Variants in ADAMTS17 observed in about 807,000 individuals in gnomAD.
The protein encoded by ADAMTS17 is ADAM metallopeptidase with thrombospondin type 1 motif 17.
Under a neutral mutation model 141.5 loss-of-function variants are expected in ADAMTS17, and 113 were observed. The ratio of observed to expected loss-of-function variants is 0.80; its 90% CI spans 0.69 to 0.93. ADAMTS17 has a LOEUF of 0.93. ADAMTS17 is among the 40% of genes least tolerant of loss of function. The pLI is 0.00. For synonymous variants in ADAMTS17, 768 were observed against 630.6 expected (o/e 1.22, Z -3.27); for missense variants, 1,659 against 1,517.9 (o/e 1.09, Z -1.54).
intron 15 of ADAMTS17, among the ~76,000 whole-genome samples, chr15:100,091,295 T>C (rs896903477): frequency 3.9e-5 from 6 of 152,046 alleles, no homozygotes; most frequent in East Asian, 1.9e-4. Flanking sequence ...AATTATGAGG[T>C]AGGATTTACT....
intron 4 of ADAMTS17, among the ~76,000 whole-genome samples, chr15:100,273,277 T>A (rs528931824): frequency 2.0e-5 from 3 of 152,326 alleles, no homozygotes; most frequent in Admixed American, 6.5e-5. Flanking sequence ...AGGACTAGTG[T>A]TAGCTCTCCT....
At chr15:100,179,447 T>C (rs2040449485) in intron 8 of ADAMTS17, among the ~76,000 whole-genome samples, 1 of 152,232 alleles carries the variant, frequency 6.6e-6, no homozygotes, top group African/African-American at 2.4e-5. Context: ...ATTCCTCTGT[T>C]GATGAACACT....
At chr15:100,096,883 G>C (rs892331543) in intron 14 of ADAMTS17, among the ~76,000 whole-genome samples, 2 of 152,188 alleles carry the variant, frequency 1.3e-5, no homozygotes, top group African/African-American at 4.8e-5. Context: ...TAGGCTGTGG[G>C]GGTCACCTGC....
At chr15:100,273,412 T>A (rs991348239) in intron 4 of ADAMTS17, among the ~76,000 whole-genome samples, 2 of 152,204 alleles carry the variant, frequency 1.3e-5, no homozygotes, top group African/African-American at 4.8e-5. Flanking sequence ...TATTTCTTTG[T>A]GATTAAGTGT....
intron 15 of ADAMTS17, among the ~76,000 whole-genome samples, chr15:100,081,022 T>C (rs933696158): frequency 2.6e-5 from 4 of 152,212 alleles, no homozygotes; most frequent in Non-Finnish European, 4.4e-5. Context: ...ATACAAAGTA[T>C]TGATCCTGGA....
At chr15:99,977,580 A>T (rs1567633001) in intron 20 of ADAMTS17, among the ~76,000 whole-genome samples, 2 of 149,532 alleles carry the variant, frequency 1.3e-5, no homozygotes, top group African/African-American at 4.9e-5. Context: ...CATCTGGCTA[A>T]TTTTTTTGTA....
At chr15:100,102,103 G>A (rs1334210130) in intron 14 of ADAMTS17, among the ~76,000 whole-genome samples, 4 of 152,232 alleles carry the variant, frequency 2.6e-5, no homozygotes, top group Non-Finnish European at 5.9e-5. Context: ...TTCCCTGCAT[G>A]CTTGCTTGAT....
At chr15:100,039,551 T>C (rs1358729819) in intron 18 of ADAMTS17, among the ~76,000 whole-genome samples, 1 of 152,248 alleles carries the variant, frequency 6.6e-6, no homozygotes, top group African/African-American at 2.4e-5. Flanking sequence ...TATGAGTTTC[T>C]TAAACTTCTT....
At chr15:100,049,792 T>TATGG (rs1443568784) in intron 17 of ADAMTS17, among the ~76,000 whole-genome samples, 4 of 152,192 alleles carry the variant, frequency 2.6e-5, no homozygotes, top group African/African-American at 9.7e-5. Flanking sequence ...GTGTCAACAG[T>TATGG]TGGCCACCAT....
At chr15:100,048,811 C>T (rs766197526) in intron 18 of ADAMTS17, 46 bp downstream of exon 18, 50 of 1,613,726 alleles carry the variant, frequency 3.1e-5, no homozygotes, top group Admixed American at 1.2e-4. Flanking sequence ...ATGGTGCTGC[C>T]GCCCCAGACT....
At chr15:100,053,537 C>T (rs145571236) in intron 16 of ADAMTS17, among the ~76,000 whole-genome samples, 5 of 152,250 alleles carry the variant, frequency 3.3e-5, no homozygotes, top group East Asian at 1.9e-4. Flanking sequence ...TCTCACCAAC[C>T]GATGCAAAAA....
intron 7 of ADAMTS17, among the ~76,000 whole-genome samples, chr15:100,211,846 C>A (rs2141720938): frequency 6.6e-6 from 1 of 152,208 alleles, no homozygotes; most frequent in African/African-American, 2.4e-5. Flanking sequence ...CAATAACCGG[C>A]AAGGTTATCA....
intron 18 of ADAMTS17, among the ~76,000 whole-genome samples, chr15:100,008,803 A>G (rs1183826226): frequency 6.6e-6 from 1 of 152,038 alleles, no homozygotes; most frequent in African/African-American, 2.4e-5. Flanking sequence ...TGACTCTAAC[A>G]CACATGTGGT....
intron 15 of ADAMTS17, among the ~76,000 whole-genome samples, chr15:100,095,349 T>C (rs2141013218): frequency 6.6e-6 from 1 of 152,344 alleles, no homozygotes; most frequent in Non-Finnish European, 1.5e-5. Flanking sequence ...GTAGGCTGTC[T>C]TTCCCGCAGG....
In ADAMTS17 at chr15:100,063,464, C is replaced by G. The variant is rs1021967681; in HGVS notation, c.2138-9410G>C. 6 of 360,772 alleles carry G rather than the reference C, an allele frequency of 1.7e-5. No homozygotes were observed. The East Asian group carries it at 4.5e-4, about 27-fold the overall frequency. The allele number at this position is 360,772 out of a possible 1,614,324, so 22.3% of individuals were successfully genotyped here. On this transcript the variant is annotated intron_variant, in intron 15 of 21. Coordinates refer to ENST00000268070, the MANE Select transcript of ADAMTS17 (RefSeq NM_139057.4). ...TCCCAAGCTTGTCTTCCATCATTTT[C>G]CTTCCTGTTCCCGCCCCTAATCCAC...
intron 8 of ADAMTS17, among the ~76,000 whole-genome samples, chr15:100,182,629 A>G (rs2040564867): frequency 6.6e-6 from 1 of 152,178 alleles, no homozygotes; most frequent in African/African-American, 2.4e-5. Context: ...AAAACTAGGT[A>G]CTGTGAGTGC....
In ADAMTS17 at chr15:100,102,505, C is replaced by T. The variant is rs1271765200; in HGVS notation, c.2017-6029G>A. ...AGGGGATCTACATTTGAGGGCCGAC[C>T]GAAGGGGATCTACATTTGAGGGCCG... On this transcript the variant is annotated intron_variant, in intron 14 of 21. Transcript: ENST00000268070. Among the ~76,000 whole-genome samples, 6 of 116,100 alleles carry T rather than the reference C, an allele frequency of 5.2e-5. No homozygotes were observed. The East Asian group carries it at 8.1e-4, about 16-fold the overall frequency. 76.2% of individuals were successfully genotyped at this position (116,100 alleles called of 152,430 possible).
intron 3 of ADAMTS17, among the ~76,000 whole-genome samples, chr15:100,295,081 T>C (rs2044763658): frequency 6.6e-6 from 1 of 152,148 alleles, no homozygotes. Flanking sequence ...GACATGTGGA[T>C]TACCCTGCAT....
intron 10 of ADAMTS17, among the ~76,000 whole-genome samples, chr15:100,151,457 C>T (rs900705135): frequency 9.9e-5 from 15 of 152,280 alleles, no homozygotes; most frequent in South Asian, 2.1e-4. Context: ...GCATTGGGAC[C>T]GCATTCTGGA....
Sources: gnomAD v4.1 joint callset for allele counts (sites outside exome capture counted in the v4.1 genomes callset) on GRCh38, gnomAD v4.1.1 for gene constraint, MANE v1.5 for transcripts, NCBI Gene and HGNC (gene_info 2026-07-23, HGNC 2026-07-21) for gene names.